ETS1: variants seen among roughly 807,000 people sequenced by gnomAD.
ETS1 encodes protein C-ets-1.
Under a neutral mutation model 58.6 loss-of-function variants are expected in ETS1, and 15 were observed. That is an observed-to-expected ratio of 0.26 (90% CI 0.17 to 0.39). The LOEUF is 0.39. Ranked by LOEUF, ETS1 falls within the 10% of genes least tolerant of loss-of-function variation. The probability of loss-of-function intolerance (pLI) is 1.00; values close to 1 mark genes in which losing one functional copy is unlikely to be tolerated. For synonymous variants in ETS1, 214 were observed against 218.2 expected, an observed-to-expected ratio of 0.98 and a Z score of 0.17; for missense variants, 417 against 610.5, an observed-to-expected ratio of 0.68 and a Z score of 3.34.
chr11:128,566,359 C>A (rs1423147022), intron 2 of ETS1, among the ~76,000 whole-genome samples: 1 of 152,196 alleles, frequency 6.6e-6, no homozygotes, highest in Non-Finnish European at 1.5e-5. Context: ...TTTGTGGAGG[C>A]GCTTGACAAG....
intron 3 of ETS1, among the ~76,000 whole-genome samples, chr11:128,500,288 G>A (rs1339932658): frequency 6.6e-6 from 1 of 152,148 alleles, no homozygotes; most frequent in African/African-American, 2.4e-5. Flanking sequence ...ATGCAGAGTG[G>A]CAATGGCCTG....
chr11:128,476,901 A>G (rs1862338503), intron 8 of ETS1, among the ~76,000 whole-genome samples: 1 of 152,272 alleles, frequency 6.6e-6, no homozygotes, highest in South Asian at 2.1e-4. Flanking sequence ...CAGGCTTTCA[A>G]GCCACGTTAT....
intron 3 of ETS1, among the ~76,000 whole-genome samples, chr11:128,493,626 C>T (rs1179513288): frequency 1.3e-5 from 2 of 152,018 alleles, no homozygotes; most frequent in Non-Finnish European, 2.9e-5. Context: ...CCAGAGAAGG[C>T]ACAGCATTGT....
chr11:128,498,871 CATAG>C (rs1366974241), intron 3 of ETS1, among the ~76,000 whole-genome samples: 3 of 152,210 alleles, frequency 2.0e-5, no homozygotes, highest in Non-Finnish European at 1.5e-5. Context: ...GCATTTCCTG[CATAG>C]ATAATTACAC....
At chr11:128,562,639 G>C (rs1195470562) in intron 2 of ETS1, among the ~76,000 whole-genome samples, 1 of 152,086 alleles carries the variant, frequency 6.6e-6, no homozygotes, top group African/African-American at 2.4e-5. Context: ...ATGAAGCCCC[G>C]GAAGCCTGGA....
chr11:128,584,881 A>C lies in ETS1; in HGVS notation c.-15+2607T>G, dbSNP rs539158467. Reference sequence around the variant, plus strand: ...AAGGGAAGGAGGAGGGAAGAGGGAGAGAGAGAAGAAGAAGAAAGGAGGGGA... The same window carrying C: ...AAGGGAAGGAGGAGGGAAGAGGGAGCGAGAGAAGAAGAAGAAAGGAGGGGA... On this transcript the variant is annotated intron_variant, in intron 1 of 9. Transcript: ENST00000392668. 2.1e-4 allele frequency among the ~76,000 whole-genome samples: 31 copies of C among 148,562 alleles called. No individual in the cohort carries two copies. The South Asian group carries it at 3.9e-3, about 19-fold the overall frequency.
intron 3 of ETS1, among the ~76,000 whole-genome samples, chr11:128,551,927 C>T (rs1434567612): frequency 1.3e-5 from 2 of 152,116 alleles, no homozygotes; most frequent in Non-Finnish European, 2.9e-5. Flanking sequence ...GTTAGAAATG[C>T]AAATTTTTGA....
In ETS1 at chr11:128,573,143, A is replaced by G; in HGVS notation, c.-13T>C. 2 of 1,572,404 alleles carry G rather than the reference A, an allele frequency of 1.3e-6. No homozygotes were observed. Among genetic ancestry groups the G allele is most frequent in the Non-Finnish European group, 1.7e-6 (2 of 1,157,386 alleles). ...CAAAGTAGCTCATTCTGCTCTCAGC[A>G]CCTGTGTGAGAGAAGGCGTTGGCTG... On this transcript the variant is annotated splice_region_variant and 5_prime_UTR_variant, in exon 2 of 10. Transcript: ENST00000392668.
chr11:128,585,907 C>T (rs1865022224), intron 1 of ETS1, among the ~76,000 whole-genome samples: 1 of 152,184 alleles, frequency 6.6e-6, no homozygotes, highest in South Asian at 2.1e-4. Flanking sequence ...CTTTGAACTC[C>T]ATTATCGTCC....
At chr11:128,479,912 T>G (rs932357276) in intron 8 of ETS1, among the ~76,000 whole-genome samples, 4 of 151,886 alleles carry the variant, frequency 2.6e-5, no homozygotes, top group African/African-American at 9.7e-5. Flanking sequence ...TATAGTTCCC[T>G]TCCCCCAGAC....
chr11:128,507,866 A>G (rs1216131642), intron 3 of ETS1, among the ~76,000 whole-genome samples: 1 of 152,188 alleles, frequency 6.6e-6, no homozygotes, highest in Non-Finnish European at 1.5e-5. Flanking sequence ...TTTTTCTCCT[A>G]AACCTTGAAT....
At chr11:128,521,818 C>T in intron 3 of ETS1, 4 of 935,526 alleles carry the variant, frequency 4.3e-6, no homozygotes, top group Non-Finnish European at 6.3e-6. Flanking sequence ...AGAAATGCAC[C>T]GCCCAGAAGG....
Position 128,480,251 on chromosome 11 carries a change from G to A in ETS1, c.1063C>T (p.Arg355Cys), listed in dbSNP as rs763167051. The change falls in exon 8 of 10, where the codon CGT (arginine) becomes TGT (cysteine). Residue 355 changes from arginine (R) to cysteine (C), a missense_variant. Physicochemically the swap from Arg to Cys is radical, Grantham distance 180. Transcript: ENST00000392668. ...KGTFKDYVRD[R>C]ADLNKDKPVI... is the part of the protein sequence containing the mutation. ...GGCTTGTCCTTATTGAGGTCAGCAC[G>A]GTCCCGCACATAGTCCTTGAAGGTG... 7 of 1,614,068 alleles carry A rather than the reference G, an allele frequency of 4.3e-6. No individual in the cohort carries two copies. The highest frequency in any genetic ancestry group is 5.1e-6 in the Non-Finnish European group (6 of 1,180,022).
At chr11:128,499,418 G>A (rs923400675) in intron 3 of ETS1, among the ~76,000 whole-genome samples, 1 of 86,642 alleles carries the variant, frequency 1.2e-5, no homozygotes, top group Non-Finnish European at 2.7e-5. Flanking sequence ...TTCAAAACAA[G>A]CACTTGTAGT....
chr11:128,504,561 G>T (rs532617117), intron 3 of ETS1, among the ~76,000 whole-genome samples: 2 of 152,326 alleles, frequency 1.3e-5, no homozygotes, highest in African/African-American at 4.8e-5. Flanking sequence ...CTGGAATACA[G>T]AATTAGAAGA....
chr11:128,586,194 G>A (rs1403681579), intron 1 of ETS1, among the ~76,000 whole-genome samples: 1 of 152,226 alleles, frequency 6.6e-6, no homozygotes, highest in Non-Finnish European at 1.5e-5. Context: ...TGGCAAGGAT[G>A]GAAGTAGTTG....
At chr11:128,572,557 C>T (rs1864658780) in intron 2 of ETS1, among the ~76,000 whole-genome samples, 1 of 152,172 alleles carries the variant, frequency 6.6e-6, no homozygotes, top group Non-Finnish European at 1.5e-5. Context: ...AAAACTTCAT[C>T]CAGTCCTATT....
intron 2 of ETS1, among the ~76,000 whole-genome samples, chr11:128,564,302 T>C: frequency 6.6e-6 from 1 of 152,138 alleles, no homozygotes; most frequent in Non-Finnish European, 1.5e-5. Flanking sequence ...AATTTTAGAC[T>C]CAAGGCCAGG....
rs1489976551 is a variant in ETS1, at chr11:128,470,879, A to G, written c.1124-7252T>C. ...ATTTAGGACTTTTTTAAGTTAGGGA[A>G]GACTCTGAAATCCTTGTTCCCATGT... On this transcript the variant is annotated intron_variant, in intron 8 of 9. Coordinates refer to ENST00000392668, the MANE Select transcript of ETS1 (RefSeq NM_001143820.2). Among the ~76,000 whole-genome samples, 3 of 152,336 alleles carry G rather than the reference A, an allele frequency of 2.0e-5. No individual in the cohort carries two copies. The East Asian group carries it at 5.8e-4, about 29-fold the overall frequency.
Sources: allele counts gnomAD v4.1 joint callset (sites outside exome capture counted in the v4.1 genomes callset), GRCh38; gene constraint gnomAD v4.1.1; transcripts MANE v1.5; gene names NCBI Gene and HGNC (gene_info 2026-07-23, HGNC 2026-07-21).